The following NSD3 variants were observed in gnomAD, a reference collection of about 807,000 sequenced individuals.
NSD3 encodes the protein nuclear receptor binding SET domain protein 3, also known as histone-lysine N-methyltransferase NSD3.
A neutral mutation model predicts 160.8 loss-of-function variants in NSD3; 24 were observed. The observed-to-expected ratio is 0.15, with a 90% CI of 0.11 to 0.21. The LOEUF (loss-of-function observed/expected upper bound fraction) is 0.21, where lower values mean the gene tolerates loss of function less well. Ranked by LOEUF, NSD3 falls within the 10% of genes least tolerant of loss-of-function variation. The probability of loss-of-function intolerance (pLI) is 1.00; values close to 1 mark genes in which losing one functional copy is unlikely to be tolerated. For missense variants in NSD3, 1,157 were observed against 1,735.9 expected (o/e 0.67, Z 5.93); for synonymous variants, 520 against 600.0 (o/e 0.87, Z 1.95).
At chr8:38,340,451 C>T (rs922709293) in intron 2 of NSD3, among the ~76,000 whole-genome samples, 1 of 152,158 alleles carries the variant, frequency 6.6e-6, no homozygotes, top group African/African-American at 2.4e-5. Context: ...GGTTCTCCTC[C>T]TTTAGCCTCC....
At chr8:38,352,345 T>C (rs1247163207) in intron 1 of NSD3, among the ~76,000 whole-genome samples, 2 of 152,074 alleles carry the variant, frequency 1.3e-5, no homozygotes, top group African/African-American at 4.8e-5. Flanking sequence ...TTGAACTGTA[T>C]GTATTGCTTT....
At chr8:38,345,218 GGA>G (rs147165419) in intron 2 of NSD3, among the ~76,000 whole-genome samples, 3 of 148,078 alleles carry the variant, frequency 2.0e-5, no homozygotes, top group Admixed American at 6.8e-5. Context: ...AGAGGGAGAG[GGA>G]GAGAGAGAGA....
Position 38,272,171 on chromosome 8 carries a change from A to G in NSD3, c.*3470T>C, listed in dbSNP as rs1360874769. 4.6e-5 allele frequency: 7 copies of G among 152,236 alleles called. No individual in the cohort carries two copies. Among genetic ancestry groups the G allele is most frequent in the Non-Finnish European group, 1.0e-4 (7 of 68,046 alleles). 9.4% of individuals were successfully genotyped at this position (152,236 alleles called of 1,614,324 possible). A position where few individuals can be genotyped will look rare whatever the true frequency, so the allele number is the denominator to read the frequency against. On this transcript the variant is annotated 3_prime_UTR_variant, in exon 24 of 24. Coordinates refer to ENST00000317025, the MANE Select transcript of NSD3 (RefSeq NM_023034.2). ...ACATGTTTTCAAATATTTTGTGTAA[A>G]TGGCAGAAGGGAGCTGGGAGCAGTC...
rs559804792 is a variant in NSD3, at chr8:38,373,988, G to A, written c.-45+7811C>T. On this transcript the variant is annotated intron_variant, in intron 1 of 23. Coordinates refer to ENST00000317025, the MANE Select transcript of NSD3 (RefSeq NM_023034.2). ...AAACTAGCTGGGTGTGGTGGCACAC[G>A]CCTGTAGTCCCAGCTACTCAGGAGG... Among the ~76,000 whole-genome samples, 205 of 144,920 alleles carry A rather than the reference G, an allele frequency of 1.4e-3. 1 individual carries two copies. Among genetic ancestry groups the A allele is most frequent in the African/African-American group, 4.9e-3 (193 of 39,550 alleles).
chr8:38,322,061 T>C (rs995076960), intron 7 of NSD3, among the ~76,000 whole-genome samples: 2 of 152,232 alleles, frequency 1.3e-5, no homozygotes, highest in African/African-American at 4.8e-5. Flanking sequence ...TATTCCTTCC[T>C]AAATCATAAT....
intron 15 of NSD3, among the ~76,000 whole-genome samples, chr8:38,296,712 G>GTA (rs1470053045): frequency 2.9e-5 from 4 of 135,750 alleles, no homozygotes; most frequent in African/African-American, 1.1e-4. Context: ...GTGTGTGTGT[G>GTA]TGTATGTGTG....
At chr8:38,363,204 T>C (rs1177480991) in intron 1 of NSD3, among the ~76,000 whole-genome samples, 4 of 152,162 alleles carry the variant, frequency 2.6e-5, no homozygotes, top group Non-Finnish European at 5.9e-5. Context: ...TAAATGAACA[T>C]AGGAATGGCA....
intron 15 of NSD3, among the ~76,000 whole-genome samples, chr8:38,298,734 A>C (rs1809213807): frequency 6.6e-6 from 1 of 152,230 alleles, no homozygotes; most frequent in African/African-American, 2.4e-5. Flanking sequence ...TATAACAGGT[A>C]GGCTATGGAA....
At chr8:38,327,685 T>C (rs910456538) in intron 6 of NSD3, among the ~76,000 whole-genome samples, 4 of 152,202 alleles carry the variant, frequency 2.6e-5, no homozygotes, top group African/African-American at 9.7e-5. Flanking sequence ...AGAACTCTAG[T>C]CATTTGCATT....
chr8:38,374,616 T>C (rs1811342863), intron 1 of NSD3, among the ~76,000 whole-genome samples: 1 of 152,184 alleles, frequency 6.6e-6, no homozygotes. Context: ...AGATTAATTA[T>C]ACGGAAATCT....
At chr8:38,291,899 C>A (rs191702960) in intron 16 of NSD3, among the ~76,000 whole-genome samples, 110 of 152,296 alleles carry the variant, frequency 7.2e-4, no homozygotes, top group African/African-American at 2.6e-3. Context: ...GAAAGAAATA[C>A]ATTAAGAATT....
At chr8:38,303,249 T>G in intron 14 of NSD3, 3 of 985,416 alleles carry the variant, frequency 3.0e-6, no homozygotes, top group Non-Finnish European at 3.6e-6. Context: ...TTCTAATCAT[T>G]ACTTTCTTAG....
chr8:38,340,132 A>G, intron 2 of NSD3, among the ~76,000 whole-genome samples: 1 of 152,240 alleles, frequency 6.6e-6, no homozygotes, highest in East Asian at 1.9e-4. Context: ...AATTTAAAAG[A>G]TTTTTAAAAT....
chr8:38,379,254 G>T (rs927784076), intron 1 of NSD3, among the ~76,000 whole-genome samples: 2 of 151,442 alleles, frequency 1.3e-5, no homozygotes, highest in African/African-American at 2.4e-5. Flanking sequence ...CAGGAACCCT[G>T]ATCTTTAAAG....
intron 4 of NSD3, among the ~76,000 whole-genome samples, chr8:38,333,837 G>A (rs1190132648): frequency 6.6e-6 from 1 of 151,890 alleles, no homozygotes; most frequent in Non-Finnish European, 1.5e-5. Context: ...ACTGCAGTCC[G>A]CAGTCCGGCC....
At chr8:38,373,864 G>A (rs986286585) in intron 1 of NSD3, among the ~76,000 whole-genome samples, 3 of 149,290 alleles carry the variant, frequency 2.0e-5, no homozygotes, top group South Asian at 2.1e-4. Flanking sequence ...TTGGGAGGAC[G>A]AGGTGGGAGG....
At chr8:38,289,942 T>G (rs1395586285) in intron 17 of NSD3, among the ~76,000 whole-genome samples, 2 of 152,148 alleles carry the variant, frequency 1.3e-5, no homozygotes, top group South Asian at 2.1e-4. Context: ...CAGGCTGGGC[T>G]TGGTGGCTCA....
chr8:38,306,113 C>T (rs556788161), intron 12 of NSD3, among the ~76,000 whole-genome samples: 54 of 151,992 alleles, frequency 3.6e-4, no homozygotes, highest in African/African-American at 1.3e-3. Context: ...GGAGAATTAA[C>T]AAAACCTAGT....
In NSD3 at chr8:38,270,592, A is replaced by G. The variant is rs1269922432; in HGVS notation, c.*5049T>C. ...TTATCCAGTCCATTTCTAAACTGAC[A>G]AGAATACCTTATTCAATACCTTATA... On this transcript the variant is annotated 3_prime_UTR_variant, in exon 24 of 24. Transcript: ENST00000317025. 1.3e-5 allele frequency: 2 copies of G among 152,250 alleles called. No homozygotes were observed. Among genetic ancestry groups the G allele is most frequent in the Admixed American group, 6.5e-5 (1 of 15,292 alleles). 9.4% of individuals were successfully genotyped at this position (152,250 alleles called of 1,614,324 possible). A position where few individuals can be genotyped will look rare whatever the true frequency, so the allele number is the denominator to read the frequency against.
Sources: allele counts gnomAD v4.1 joint callset (sites outside exome capture counted in the v4.1 genomes callset), GRCh38; gene constraint gnomAD v4.1.1; transcripts MANE v1.5; gene names NCBI Gene and HGNC (gene_info 2026-07-23, HGNC 2026-07-21).